GBP7: variants seen among roughly 807,000 people sequenced by gnomAD.
GBP7 encodes the protein guanylate binding protein 7.
In GBP7, 43 loss-of-function variants were observed where a neutral mutation model predicts 61.3. The observed-to-expected ratio is 0.70, with a 90% confidence interval of 0.55 to 0.91. The LOEUF is 0.91. Ranked by LOEUF, GBP7 falls within the 40% of genes least tolerant of loss-of-function variation. The pLI is 0.00. For synonymous variants in GBP7, 267 were observed against 271.0 expected (o/e 0.99, Z 0.14); for missense variants, 717 against 740.5 (o/e 0.97, Z 0.37).
At chr1:89,146,777 T>A (rs1219541669) in intron 8 of GBP7, among the ~76,000 whole-genome samples, 1 of 151,934 alleles carries the variant, frequency 6.6e-6, no homozygotes, top group Non-Finnish European at 1.5e-5. Context: ...TATCAAAAAG[T>A]CAAAAGATAA....
chr1:89,152,695 A>T lies in GBP7; in HGVS notation c.401T>A (p.Ile134Asn). Reference sequence around the variant, plus strand: ...CAGCTGCTCCAGGGCCTGGTGGTTGATGGTGCCCATGCTGTTGTAGACAAA... The same window carrying T: ...CAGCTGCTCCAGGGCCTGGTGGTTGTTGGTGCCCATGCTGTTGTAGACAAA... ...SSFVYNSMGT[I>N]NHQALEQLHY... The change falls in exon 4 of 11, where the codon ATC (isoleucine) becomes AAC (asparagine). Residue 134 changes from isoleucine (I) to asparagine (N), a missense_variant. Coordinates refer to ENST00000294671, the MANE Select transcript of GBP7 (RefSeq NM_207398.3). The T allele has an allele frequency of 6.8e-6, 11 of 1,611,826 alleles. No homozygotes were observed. Among genetic ancestry groups the T allele is most frequent in the Non-Finnish European group, 9.3e-6 (11 of 1,179,298 alleles).
intron 3 of GBP7, among the ~76,000 whole-genome samples, chr1:89,162,518 C>T (rs575931029): frequency 3.4e-5 from 5 of 147,404 alleles, no homozygotes; most frequent in Middle Eastern, 6.9e-3. Context: ...TATTCCTAAG[C>T]AGCAATTATG....
intron 2 of GBP7, among the ~76,000 whole-genome samples, chr1:89,168,347 A>T (rs1355026666): frequency 1.3e-5 from 2 of 152,202 alleles, no homozygotes; most frequent in Non-Finnish European, 2.9e-5. Flanking sequence ...GCTCAGAGTA[A>T]TAATAGGTCT....
intron 3 of GBP7, among the ~76,000 whole-genome samples, chr1:89,155,073 A>C (rs1429452201): frequency 6.6e-6 from 1 of 152,232 alleles, no homozygotes; most frequent in Non-Finnish European, 1.5e-5. Context: ...TCCACTGGTG[A>C]TACCCAGGCA....
chr1:89,138,812 A>C (rs1681870619), intron 9 of GBP7, among the ~76,000 whole-genome samples: 1 of 152,216 alleles, frequency 6.6e-6, no homozygotes, highest in Admixed American at 6.5e-5. Flanking sequence ...ACTGCAACCG[A>C]ACAAAAAGTT....
chr1:89,170,200 A>G (rs182183275), intron 2 of GBP7, among the ~76,000 whole-genome samples: 26 of 152,334 alleles, frequency 1.7e-4, no homozygotes, highest in Non-Finnish European at 2.4e-4. Context: ...AATCTTACCC[A>G]GTTCCACATG....
chr1:89,135,036 C>CAA (rs1362705502), intron 9 of GBP7, among the ~76,000 whole-genome samples: 1 of 151,992 alleles, frequency 6.6e-6, no homozygotes, highest in Non-Finnish European at 1.5e-5. Context: ...AAACATGCTA[C>CAA]AAGAATTTCA....
At chr1:89,161,894 T>C (rs1032696263) in intron 3 of GBP7, among the ~76,000 whole-genome samples, 8 of 152,170 alleles carry the variant, frequency 5.3e-5, no homozygotes, top group African/African-American at 1.7e-4. Context: ...AGGGTTTTTA[T>C]AGTTTTGGGT....
At chr1:89,157,285 A>G (rs949424251) in intron 3 of GBP7, among the ~76,000 whole-genome samples, 1 of 152,220 alleles carries the variant, frequency 6.6e-6, no homozygotes, top group African/African-American at 2.4e-5. Context: ...TAACATCACA[A>G]TTAAAAGAAC....
rs373891937 is a variant in GBP7 at position 89,160,758 on chromosome 1, TA to T, written c.318+3972del. ...TTTCCAAATGCTTAAAAACAACACTTAAAAAAATTTCTTTTGAAAAAAATAG... is the reference window on the plus strand; with the variant it reads ...TTTCCAAATGCTTAAAAACAACACTTAAAAAATTTCTTTTGAAAAAAATAG... On this transcript the variant is annotated intron_variant, in intron 3 of 10. Transcript: ENST00000294671. Among the ~76,000 whole-genome samples, 308 of 152,244 alleles carry T rather than the reference TA, an allele frequency of 2.0e-3. 2 individuals carry two copies. Among genetic ancestry groups the T allele is most frequent in the African/African-American group, 6.8e-3 (284 of 41,546 alleles).
chr1:89,150,748 A>AAAAGTC (rs1682177666), intron 5 of GBP7, among the ~76,000 whole-genome samples, 173 bp from the exon 6 acceptor site: 1 of 152,218 alleles, frequency 6.6e-6, no homozygotes, highest in Non-Finnish European at 1.5e-5. Flanking sequence ...TTAAGGTATG[A>AAAAGTC]AAAGTCAATT....
intron 8 of GBP7, among the ~76,000 whole-genome samples, chr1:89,145,177 T>A (rs1682037290): frequency 6.6e-6 from 1 of 152,094 alleles, no homozygotes; most frequent in African/African-American, 2.4e-5. Flanking sequence ...GGACTTGATC[T>A]CCTGACCTTG....
chr1:89,139,868 G>A (rs145344552), intron 9 of GBP7, among the ~76,000 whole-genome samples: 2,949 of 152,292 alleles, frequency 0.019, 87 homozygotes, highest in African/African-American at 0.067. Context: ...TTCAACCATT[G>A]TGGAAGTCAG....
intron 5 of GBP7, 62 bp from the exon 6 acceptor site, chr1:89,150,637 C>A: frequency 6.4e-7 from 1 of 1,553,616 alleles, no homozygotes; most frequent in Middle Eastern, 1.7e-4. Context: ...TGAAGATTTT[C>A]ATTTCCAAAG....
intron 3 of GBP7, among the ~76,000 whole-genome samples, chr1:89,163,461 G>C (rs1433370208): frequency 6.6e-6 from 1 of 150,380 alleles, no homozygotes; most frequent in Non-Finnish European, 1.5e-5. Flanking sequence ...TCATTTGTCT[G>C]TTCAGGGATT....
chr1:89,144,567 T>C (rs1028312474), intron 8 of GBP7, among the ~76,000 whole-genome samples: 11 of 152,164 alleles, frequency 7.2e-5, no homozygotes, highest in African/African-American at 2.7e-4. Context: ...TTTTTAATAA[T>C]ATAGGCTAAT....
At chr1:89,140,783 G>T (rs532955195) in intron 9 of GBP7, among the ~76,000 whole-genome samples, 1 of 152,114 alleles carries the variant, frequency 6.6e-6, no homozygotes, top group East Asian at 1.9e-4. Context: ...CAATACCAAA[G>T]ACATGGAATC....
In GBP7 at chr1:89,171,898, A is replaced by T; in HGVS notation, c.38T>A (p.Leu13His). The change falls in exon 2 of 11, where the codon CTC (leucine) becomes CAC (histidine). Residue 13 changes from leucine (L) to histidine (H), a missense_variant. Physicochemically the swap from Leu to His is moderately conservative, Grantham distance 99. Around this residue, in one of 3 missense-constraint regions of GBP7, gnomAD observed 387 missense variants for 385.2 expected, o/e 1.00. Coordinates refer to ENST00000294671, the MANE Select transcript of GBP7 (RefSeq NM_207398.3). ...SEIHMPGPVCLTENTKGHLVV... is the reference protein window; with the variant it reads ...SEIHMPGPVCHTENTKGHLVV... ...CAGATGCCCTTTAGTGTTCTCAGTG[A>T]GGCACACTGGGCCTGGCATGTGGAT... is the stretch of plus-strand genomic sequence containing the variant. The T allele has an allele frequency of 4.3e-6, 7 of 1,613,314 alleles. No homozygotes were observed. Among genetic ancestry groups the T allele is most frequent in the Non-Finnish European group, 5.9e-6 (7 of 1,179,462 alleles).
intron 3 of GBP7, among the ~76,000 whole-genome samples, chr1:89,158,544 C>A (rs963180411): frequency 2.0e-5 from 3 of 152,164 alleles, no homozygotes; most frequent in Non-Finnish European, 4.4e-5. Context: ...ACAAAAATCA[C>A]AAGCATTCTT....
Sources: gnomAD v4.1 joint callset for allele counts (sites outside exome capture counted in the v4.1 genomes callset) on GRCh38, gnomAD v4.1.1 for gene constraint, gnomAD v4.1.1 regional missense constraint, MANE v1.5 for transcripts, NCBI Gene and HGNC (gene_info 2026-07-23, HGNC 2026-07-21) for gene names.